The following LHFPL6 variants were observed in gnomAD, a reference collection of about 807,000 sequenced individuals.
LHFPL6 encodes the protein LHFPL tetraspan subfamily member 6 protein.
A neutral mutation model predicts 20.6 loss-of-function variants in LHFPL6; 9 were observed. The observed-to-expected ratio is 0.44, with a 90% confidence interval of 0.26 to 0.76. The LOEUF (loss-of-function observed/expected upper bound fraction) is 0.76. Ranked by LOEUF, LHFPL6 falls within the 30% of genes least tolerant of loss-of-function variation. The pLI, the probability that LHFPL6 is intolerant of heterozygous loss-of-function variation, is 0.20. For synonymous variants in LHFPL6, 105 were observed against 98.7 expected (o/e 1.06, Z -0.38); for missense variants, 218 against 253.5 (o/e 0.86, Z 0.95).
chr13:39,350,403 G>A (rs1368512211), intron 3 of LHFPL6, among the ~76,000 whole-genome samples: 1 of 152,138 alleles, frequency 6.6e-6, no homozygotes, highest in Admixed American at 6.5e-5. Context: ...TAAAACCTAT[G>A]TGCTCAATAA....
intron 2 of LHFPL6, among the ~76,000 whole-genome samples, chr13:39,427,341 C>T (rs1344425584): frequency 1.3e-5 from 2 of 152,210 alleles, no homozygotes; most frequent in East Asian, 3.9e-4. Flanking sequence ...GAGAGGACAT[C>T]TGGCCTTGTT....
chr13:39,560,553 C>T (rs908122030), intron 2 of LHFPL6, among the ~76,000 whole-genome samples: 2 of 129,360 alleles, frequency 1.5e-5, no homozygotes, highest in East Asian at 2.3e-4. Flanking sequence ...CTCCCTCTGT[C>T]GCCCAGGCTG....
At chr13:39,455,417 G>A (rs920476248) in intron 2 of LHFPL6, among the ~76,000 whole-genome samples, 4 of 152,244 alleles carry the variant, frequency 2.6e-5, no homozygotes, top group Non-Finnish European at 1.5e-5. Context: ...AGGAGAAAAG[G>A]TGTGGTTTTA....
intron 2 of LHFPL6, among the ~76,000 whole-genome samples, chr13:39,506,205 C>T (rs769490551): frequency 3.3e-5 from 5 of 152,058 alleles, no homozygotes; most frequent in African/African-American, 1.2e-4. Flanking sequence ...CTTCTGTGGA[C>T]GTAATATTCT....
intron 3 of LHFPL6, 128 bp downstream of exon 3, chr13:39,378,300 A>T: frequency 1.5e-6 from 1 of 655,314 alleles, no homozygotes. Context: ...TTATATTGTT[A>T]CACGTGACTA....
intron 2 of LHFPL6, among the ~76,000 whole-genome samples, chr13:39,450,701 TG>T (rs1478174990): frequency 2.0e-5 from 3 of 152,178 alleles, no homozygotes; most frequent in Non-Finnish European, 2.9e-5. Flanking sequence ...TTGGTAGGTC[TG>T]AACCAAGTGA....
chr13:39,427,680 C>T (rs1033446213), intron 2 of LHFPL6, among the ~76,000 whole-genome samples: 6 of 151,972 alleles, frequency 3.9e-5, no homozygotes, highest in African/African-American at 9.7e-5. Context: ...ATATGACTTG[C>T]TAAAAAGTGT....
intron 2 of LHFPL6, among the ~76,000 whole-genome samples, chr13:39,478,272 T>C (rs1195160519): frequency 6.6e-6 from 1 of 152,112 alleles, no homozygotes; most frequent in Non-Finnish European, 1.5e-5. Context: ...ATTTTCCTTT[T>C]GGAAACCAGC....
intron 2 of LHFPL6, among the ~76,000 whole-genome samples, chr13:39,596,914 C>G (rs1337744301): frequency 1.3e-5 from 2 of 152,178 alleles, no homozygotes; most frequent in Non-Finnish European, 2.9e-5. Context: ...GAGTCCCAAG[C>G]AGTCTCCCTC....
At position 39,433,504 on chromosome 13, in the gene LHFPL6, G is replaced by A. The variant is rs145918531; in HGVS notation, c.386-54978C>T. Among the ~76,000 whole-genome samples, 689 of 152,270 alleles carry A rather than the reference G, an allele frequency of 4.5e-3. 11 individuals carry two copies. Among genetic ancestry groups the A allele is most frequent in the African/African-American group, 0.015 (621 of 41,552 alleles). On this transcript the variant is annotated intron_variant, in intron 2 of 3. Transcript: ENST00000379589. ...TGCTTAATAAATATCAAAAAGCACC[G>A]ATTAAGCCAGAGGAAACTCCTGACA...
In LHFPL6 at chr13:39,431,719, G is replaced by GC. The variant is rs1159501981; in HGVS notation, c.386-53194_386-53193insG. On this transcript the variant is annotated intron_variant, in intron 2 of 3. Transcript: ENST00000379589. ...AGCCAAAAGCCCTGTAGAATTTGTG[G>GC]GGGGGGGGGGCTTCCTCTCATATTC... Among the ~76,000 whole-genome samples the GC allele has an allele frequency of 7.1e-4, 73 of 103,472 alleles. No homozygotes were observed. The East Asian group carries it at 0.022, about 31-fold the overall frequency. The allele number at this position is 103,472 out of a possible 152,430, so 67.9% of individuals were successfully genotyped here. A position where few individuals can be genotyped will look rare whatever the true frequency, so the allele number is the denominator to read the frequency against.
At chr13:39,399,186 A>G (rs898831341) in intron 2 of LHFPL6, among the ~76,000 whole-genome samples, 3 of 152,216 alleles carry the variant, frequency 2.0e-5, no homozygotes, top group African/African-American at 7.2e-5. Context: ...AAAAGAGCAT[A>G]GGGTCAATCT....
intron 2 of LHFPL6, among the ~76,000 whole-genome samples, chr13:39,383,221 C>A (rs1356674709): frequency 6.6e-6 from 1 of 152,154 alleles, no homozygotes; most frequent in East Asian, 1.9e-4. Context: ...GTAACAAGGA[C>A]CTCACATGAA....
rs746445157 is a variant in LHFPL6 at position 39,601,113 on chromosome 13, C to T, written c.104G>A (p.Gly35Glu). 6.2e-7 allele frequency: 1 copy of T among 1,614,166 alleles called. No homozygotes were observed. Among genetic ancestry groups the T allele is most frequent in the Non-Finnish European group, 8.5e-7 (1 of 1,180,032 alleles). ...VGFFMPYWLW[G>E]SQLGKPVSFG... ...GGACACAGGCTTGCCCAGCTGTGATCCCCAGAGCCAGTAAGGCATAAAGAA... is the reference window on the plus strand; with the variant it reads ...GGACACAGGCTTGCCCAGCTGTGATTCCCAGAGCCAGTAAGGCATAAAGAA... The change falls in exon 2 of 4, where the codon GGA becomes GAA. Residue 35 changes from glycine to glutamate, a missense_variant. Gly to Glu is a moderately conservative substitution (Grantham distance 98, BLOSUM62 -2). Transcript: ENST00000379589.
At chr13:39,414,897 A>G (rs1871310881) in intron 2 of LHFPL6, among the ~76,000 whole-genome samples, 1 of 152,182 alleles carries the variant, frequency 6.6e-6, no homozygotes, top group South Asian at 2.1e-4. Flanking sequence ...AACACAAATC[A>G]TTTTTACTAG....
chr13:39,488,303 T>G (rs1021365221), intron 2 of LHFPL6, among the ~76,000 whole-genome samples: 40 of 152,220 alleles, frequency 2.6e-4, no homozygotes, highest in African/African-American at 9.4e-4. Flanking sequence ...TTTAAGATAT[T>G]TTTGTTATAG....
At chr13:39,575,611 C>T (rs1872089776) in intron 2 of LHFPL6, among the ~76,000 whole-genome samples, 1 of 152,144 alleles carries the variant, frequency 6.6e-6, no homozygotes, top group Admixed American at 6.5e-5. Flanking sequence ...AGTGATAACG[C>T]TGTGAATCAG....
chr13:39,569,515 C>A (rs1446825428), intron 2 of LHFPL6, among the ~76,000 whole-genome samples: 1 of 152,010 alleles, frequency 6.6e-6, no homozygotes, highest in Non-Finnish European at 1.5e-5. Flanking sequence ...AACCAGATGT[C>A]CTAAAAAACT....
chr13:39,492,971 C>T (rs148008766), intron 2 of LHFPL6, among the ~76,000 whole-genome samples: 104 of 151,608 alleles, frequency 6.9e-4, no homozygotes, highest in African/African-American at 2.1e-3. Context: ...TGAGCCACTG[C>T]GCCCGGCCTC....
Sources: allele counts gnomAD v4.1 joint callset (sites outside exome capture counted in the v4.1 genomes callset), GRCh38; gene constraint gnomAD v4.1.1; transcripts MANE v1.5; gene names NCBI Gene and HGNC (gene_info 2026-07-23, HGNC 2026-07-21).